The following ARL10 variants were observed in gnomAD, a reference collection of about 807,000 sequenced individuals.
ARL10 encodes the protein ARF like GTPase 10, also known as ADP-ribosylation factor-like protein 10.
In ARL10, 23 loss-of-function variants were observed where a neutral mutation model predicts 26.1. The observed-to-expected ratio is 0.88, with a 90% confidence interval of 0.63 to 1.25. The LOEUF is 1.25. Among genes scored for constraint, ARL10 ranks in the 50% most tolerant of loss-of-function variants. The probability of loss-of-function intolerance (pLI) is 0.00; values close to 1 mark genes in which losing one functional copy is unlikely to be tolerated. For synonymous variants in ARL10, 138 were observed against 149.1 expected, an observed-to-expected ratio of 0.93 and a Z score of 0.54; for missense variants, 300 against 323.6, an observed-to-expected ratio of 0.93 and a Z score of 0.56.
chr5:176,366,520 C>T lies in ARL10; in HGVS notation c.324C>T (p.Pro108=), dbSNP rs1249930945. 15 of 1,614,036 alleles carry T rather than the reference C, an allele frequency of 9.3e-6. No homozygotes were observed. Among genetic ancestry groups the T allele is most frequent in the Middle Eastern group, 3.3e-4 (2 of 6,084 alleles). The change falls in exon 2 of 4, where the codon CCC becomes CCT. Residue 108 remains proline, a synonymous_variant. Transcript: ENST00000310389. ...AGCCACCGCTGGAAGGCCACATCCC[C>T]ACCTGGGGCTTCAACTCCGTGCGTC... ...SGKPPLEGHI[P]TWGFNSVRLP...
chr5:176,408,034 T>C, the ARL10 span, among the ~76,000 whole-genome samples: 1 of 152,050 alleles, frequency 6.6e-6, no homozygotes, highest in Non-Finnish European at 1.5e-5. Context: ...TGAGTGGGAA[T>C]GAAGGCTCTG....
At position 176,368,290 on chromosome 5, in the gene ARL10, G is replaced by C. The variant is rs958277001; in HGVS notation, c.386-517G>C. 3.3e-5 allele frequency among the ~76,000 whole-genome samples: 5 copies of C among 152,140 alleles called. No individual in the cohort carries two copies. Among genetic ancestry groups the C allele is most frequent in the African/African-American group, 1.2e-4 (5 of 41,426 alleles). ...TGGCTGTGTATAGGCAGGGCAGGGG[G>C]TCCTGAGTTTTCTAGACAATAGGAC... On this transcript the variant is annotated intron_variant, in intron 2 of 3. Transcript: ENST00000310389. The surrounding 1 kb of genome is among the most constrained non-coding windows in gnomAD (Gnocchi z 4.1).
intron 1 of ARL10, 61 bp from the exon 2 acceptor site, chr5:176,366,319 T>TCCCTCGGGA: frequency 6.5e-7 from 1 of 1,533,370 alleles, no homozygotes; most frequent in South Asian, 1.2e-5. Context: ...CCTTCGGTCT[T>TCCCTCGGGA]CCCTCGGGAA....
chr5:176,366,486 TGTC>T lies in ARL10; in HGVS notation c.292_294del (p.Ser98del). On this transcript the variant is annotated inframe_deletion, in exon 2 of 4. Transcript: ENST00000310389. ...GGCAAGAGCACGTTCCTGCGCGTGT[TGTC>T]GGGGAAGCCACCGCTGGAAGGCCAC... 2.5e-6 allele frequency: 4 copies of T among 1,614,042 alleles called. No individual in the cohort carries two copies. The highest frequency in any genetic ancestry group is 3.4e-6 in the Non-Finnish European group (4 of 1,180,020).
chr5:176,392,582 G>A (rs1756300996), downstream of ARL10: 1 of 598,424 alleles, frequency 1.7e-6, no homozygotes, highest in Non-Finnish European at 3.0e-6. This position sits in a 1 kb window ranked among gnomAD's most constrained non-coding sequence, Gnocchi z 5.2. Flanking sequence ...GGAGGCGTGA[G>A]GGGCTGGACC....
At chr5:176,389,272 C>A, downstream of ARL10, 5 of 1,549,944 alleles carry the variant, frequency 3.2e-6, no homozygotes, top group South Asian at 6.0e-5. Flanking sequence ...AGACCCAAAG[C>A]GGGGAATGAC....
intron 1 of ARL10, among the ~76,000 whole-genome samples, chr5:176,400,598 C>T (rs1288617533): frequency 6.6e-6 from 1 of 152,266 alleles, no homozygotes; most frequent in Non-Finnish European, 1.5e-5. Context: ...CACACCCGCT[C>T]TGGCACCCAC....
downstream of ARL10, chr5:176,406,065 G>T: frequency 1.3e-6 from 1 of 760,642 alleles, no homozygotes; most frequent in Non-Finnish European, 1.6e-6. Flanking sequence ...TTATTTCCGG[G>T]CTGCTCAGAA....
downstream of ARL10, chr5:176,385,355 A>G (rs1755757692): frequency 7.6e-7 from 1 of 1,313,614 alleles, no homozygotes; most frequent in Middle Eastern, 1.8e-4. Context: ...GCGGGGAGAC[A>G]GGGAATGAGG....
chr5:176,370,988 GA>G (rs1487390495), intron 3 of ARL10, among the ~76,000 whole-genome samples: 1 of 152,184 alleles, frequency 6.6e-6, no homozygotes, highest in Non-Finnish European at 1.5e-5. Context: ...TCACCTCCCT[GA>G]GCTACTTTTC....
rs760836277 is a variant in ARL10 at position 176,366,583 on chromosome 5, T to C, written c.385+2T>C. Reference sequence around the variant, plus strand: ...ACTTTGAGGTGGACCTGCTAGAAAGTGAGCGGACACCCTACCCCATCTCCC... The same window carrying C: ...ACTTTGAGGTGGACCTGCTAGAAAGCGAGCGGACACCCTACCCCATCTCCC... On this transcript the variant is annotated splice_donor_variant, in intron 2 of 3. Transcript: ENST00000310389. LOFTEE classifies it high-confidence loss of function. 6.2e-7 allele frequency: 1 copy of C among 1,613,796 alleles called. No individual in the cohort carries two copies. Among genetic ancestry groups the C allele is most frequent in the Non-Finnish European group, 8.5e-7 (1 of 1,179,934 alleles).
downstream of ARL10, among the ~76,000 whole-genome samples, chr5:176,393,348 C>G (rs1040957666): frequency 6.6e-6 from 1 of 152,182 alleles, no homozygotes; most frequent in Non-Finnish European, 1.5e-5. This position sits in a 1 kb window ranked among gnomAD's most constrained non-coding sequence, Gnocchi z 4.4. Flanking sequence ...TAATGCAGGA[C>G]CTTAGCTATT....
downstream of ARL10, chr5:176,389,187 AG>A (rs1340250885): frequency 9.0e-7 from 1 of 1,105,358 alleles, no homozygotes; most frequent in Admixed American, 2.2e-5. Flanking sequence ...CTCTGTAACT[AG>A]GAAGACCTCG....
chr5:176,412,060 C>T, the ARL10 span, among the ~76,000 whole-genome samples: 1 of 151,630 alleles, frequency 6.6e-6, no homozygotes, highest in Non-Finnish European at 1.5e-5. Context: ...CCTGTAGTCC[C>T]AGCCACTCGG....
In ARL10 at chr5:176,369,380, G is replaced by A; in HGVS notation, c.561+398G>A. 4 of 442,906 alleles carry A rather than the reference G, an allele frequency of 9.0e-6. 1 individual carries two copies. Among genetic ancestry groups the A allele is most frequent in the South Asian group, 8.2e-5 (4 of 49,014 alleles). The allele number at this position is 442,906 out of a possible 1,614,324, so 27.4% of individuals were successfully genotyped here. On this transcript the variant is annotated intron_variant, in intron 3 of 3. Transcript: ENST00000310389. ...TCCGAGTAGCTGGGATTACAGGTATGTGCCACCACACCCAGCCAATTTTTG... is the reference window on the plus strand; with the variant it reads ...TCCGAGTAGCTGGGATTACAGGTATATGCCACCACACCCAGCCAATTTTTG...
chr5:176,365,735 G>A lies in ARL10; in HGVS notation c.172G>A (p.Asp58Asn), dbSNP rs1464886810. ...GGAGGCTGCCCGCCTCCCCGAGTGGGACGAGTGGGACGTGAGTGCCGGGCC... is the reference window on the plus strand; with the variant it reads ...GGAGGCTGCCCGCCTCCCCGAGTGGAACGAGTGGGACGTGAGTGCCGGGCC... ...GAEAARLPEW[D>N]EWDPEDEEDE... Residue 58 changes from aspartate (D) to asparagine (N), a missense_variant, in exon 1 of 4, where the codon GAC becomes AAC. Coordinates refer to ENST00000310389, the MANE Select transcript of ARL10 (RefSeq NM_173664.6). 4.0e-6 allele frequency: 5 copies of A among 1,236,198 alleles called. No homozygotes were observed. In the East Asian group the frequency reaches 9.5e-5, roughly 23 times the overall value. The allele number at this position is 1,236,198 out of a possible 1,614,324, so 76.6% of individuals were successfully genotyped here.
downstream of ARL10, chr5:176,389,323 C>T: frequency 6.2e-7 from 1 of 1,611,952 alleles, no homozygotes; most frequent in Non-Finnish European, 8.5e-7. Context: ...GCTTTGTCCC[C>T]TCCTCAGGTT....
chr5:176,372,002 T>C lies in ARL10; in HGVS notation c.*107T>C. 6.8e-7 allele frequency: 1 copy of C among 1,479,692 alleles called. No individual in the cohort carries two copies. Among genetic ancestry groups the C allele is most frequent in the Non-Finnish European group, 9.0e-7 (1 of 1,112,790 alleles). The allele number at this position is 1,479,692 out of a possible 1,614,324, so 91.7% of individuals were successfully genotyped here. A position where few individuals can be genotyped will look rare whatever the true frequency, so the allele number is the denominator to read the frequency against. ...CAAGAGCCACATGGCAGCATTTCCC[T>C]TTTCCCCTCCTTTGCCTTTCAAGAG... On this transcript the variant is annotated 3_prime_UTR_variant, in exon 4 of 4. Transcript: ENST00000310389.
At position 176,375,729 on chromosome 5, in the gene ARL10, G is replaced by A. The variant is rs1279606153; in HGVS notation, c.*3834G>A. ...TAGCATTTGAGCAGGGGTCACTTAT[G>A]TTCCCCCATAAGTCTGCACAGCTCC... is the stretch of plus-strand genomic sequence containing the variant. On this transcript the variant is annotated 3_prime_UTR_variant, in exon 4 of 4. Coordinates refer to ENST00000310389, the MANE Select transcript of ARL10 (RefSeq NM_173664.6). The A allele has an allele frequency of 7.2e-5, 11 of 152,170 alleles. No homozygotes were observed. The highest frequency in any genetic ancestry group is 2.1e-4 in the South Asian group (1 of 4,824). The allele number at this position is 152,170 out of a possible 1,614,324, so 9.4% of individuals were successfully genotyped here.
Sources: allele counts gnomAD v4.1 joint callset (sites outside exome capture counted in the v4.1 genomes callset), GRCh38; gene constraint gnomAD v4.1.1; non-coding constraint Gnocchi (gnomAD v3.1); transcripts MANE v1.5; gene names NCBI Gene and HGNC (gene_info 2026-07-23, HGNC 2026-07-21).